The following PLXDC2 variants were observed in gnomAD, a reference collection of about 807,000 sequenced individuals.
The protein encoded by PLXDC2 is plexin domain-containing protein 2.
PLXDC2 carries 40 observed loss-of-function variants against 68.9 expected under a neutral mutation model. The ratio of observed to expected loss-of-function variants is 0.58; its 90% CI spans 0.45 to 0.76. The LOEUF is 0.76. PLXDC2 is among the 30% of genes least tolerant of loss of function. The pLI, the probability that PLXDC2 is intolerant of heterozygous loss-of-function variation, is 0.00. For missense variants in PLXDC2, 644 were observed against 661.9 expected (o/e 0.97, Z 0.30); for synonymous variants, 243 against 234.2 (o/e 1.04, Z -0.34).
In PLXDC2 at chr10:20,029,902, AT is replaced by A. The variant is rs1835470467; in HGVS notation, c.325-16965del. Among the ~76,000 whole-genome samples, 4 of 152,298 alleles carry A rather than the reference AT, an allele frequency of 2.6e-5. No individual in the cohort carries two copies. In the South Asian group the frequency reaches 8.3e-4, roughly 32 times the overall value. ...TTACCCTCCACATCAGCTACCTGAC[AT>A]TAAGTGAGTTGGCAACAAGGTTTTC... On this transcript the variant is annotated intron_variant, in intron 2 of 13. Coordinates refer to ENST00000377252, the MANE Select transcript of PLXDC2 (RefSeq NM_032812.9).
chr10:19,837,428 GTGTGTGTGTGTGTGTGTA>G (rs1836820936), intron 1 of PLXDC2, among the ~76,000 whole-genome samples: 1 of 151,654 alleles, frequency 6.6e-6, no homozygotes, highest in Admixed American at 6.6e-5. Flanking sequence ...GTGTGTGTGT[GTGTGTGTGTGTGTGTGTA>G]TGTGTGTGTT....
Position 20,030,406 on chromosome 10 carries a change from G to A in PLXDC2, c.325-16463G>A, listed in dbSNP as rs1328082353. ...CTTGTAGGCAATGCCTCAAGAGGCT[G>A]TACAGCTTCTTCTCTTACCCTTCTT... On this transcript the variant is annotated intron_variant, in intron 2 of 13. Coordinates refer to ENST00000377252, the MANE Select transcript of PLXDC2 (RefSeq NM_032812.9). Among the ~76,000 whole-genome samples the A allele has an allele frequency of 4.6e-5, 7 of 152,210 alleles. No individual in the cohort carries two copies. In the East Asian group the frequency reaches 1.3e-3, roughly 29 times the overall value.
rs921749626 is a variant in PLXDC2 at position 20,281,156 on chromosome 10, C to G, written c.*1337C>G. The G allele has an allele frequency of 2.0e-5, 3 of 152,126 alleles. No individual in the cohort carries two copies. Among genetic ancestry groups the G allele is most frequent in the African/African-American group, 7.2e-5 (3 of 41,438 alleles). 9.4% of individuals were successfully genotyped at this position (152,126 alleles called of 1,614,324 possible). A position where few individuals can be genotyped will look rare whatever the true frequency, so the allele number is the denominator to read the frequency against. ...ACTTTTTCGTTTATGTCAACCCCTT[C>G]CCTCTCTGGCTAAATAAAGTGGATG... On this transcript the variant is annotated 3_prime_UTR_variant, in exon 14 of 14. Transcript: ENST00000377252.
intron 9 of PLXDC2, among the ~76,000 whole-genome samples, chr10:20,210,104 C>T (rs1420157869): frequency 1.3e-5 from 2 of 152,100 alleles, no homozygotes; most frequent in African/African-American, 4.8e-5. Context: ...CACAGCAATA[C>T]AGTAGCCCCC....
intron 13 of PLXDC2, among the ~76,000 whole-genome samples, chr10:20,262,295 CAGA>C (rs1835817749): frequency 6.6e-6 from 1 of 152,230 alleles, no homozygotes; most frequent in African/African-American, 2.4e-5. Flanking sequence ...ATTTGCTCTA[CAGA>C]AGCTTTTCAG....
chr10:19,836,144 T>C (rs1019183115), intron 1 of PLXDC2, among the ~76,000 whole-genome samples: 6 of 151,552 alleles, frequency 4.0e-5, no homozygotes, highest in Non-Finnish European at 7.4e-5. Flanking sequence ...TCCACCGCAC[T>C]CCAGCCTGGG....
intron 2 of PLXDC2, among the ~76,000 whole-genome samples, chr10:20,009,235 C>T (rs189772482): frequency 8.5e-5 from 13 of 152,282 alleles, no homozygotes; most frequent in African/African-American, 2.9e-4. Context: ...TACTATTGTG[C>T]TCAGTGAATT....
chr10:20,253,370 GATAATAATA>G lies in PLXDC2; in HGVS notation c.1473+7889_1473+7897del, dbSNP rs3051539. On this transcript the variant is annotated intron_variant, in intron 13 of 13. Coordinates refer to ENST00000377252, the MANE Select transcript of PLXDC2 (RefSeq NM_032812.9). Reference sequence around the variant, plus strand: ...ACAGAGTGAGATTCTGTCTCAAAATGATAATAATAATAATAATAATAATAATAATAATTT... The same window carrying G: ...ACAGAGTGAGATTCTGTCTCAAAATGATAATAATAATAATAATAATAATTT... Among the ~76,000 whole-genome samples, 48 of 145,572 alleles carry G rather than the reference GATAATAATA, an allele frequency of 3.3e-4. 1 individual carries two copies. The highest frequency in any genetic ancestry group is 7.1e-4 in the African/African-American group (28 of 39,684).
At chr10:19,857,683 T>C (rs551615656) in intron 1 of PLXDC2, among the ~76,000 whole-genome samples, 20 of 152,266 alleles carry the variant, frequency 1.3e-4, no homozygotes, top group African/African-American at 4.1e-4. Context: ...AGAGTTCAAA[T>C]AGGAAACTAA....
Position 19,929,333 on chromosome 10 carries a change from C to T in PLXDC2, c.113-72442C>T, listed in dbSNP as rs12261091. 9.9e-3 allele frequency among the ~76,000 whole-genome samples: 1,500 copies of T among 152,162 alleles called. 26 individuals carry two copies. Among genetic ancestry groups the T allele is most frequent in the African/African-American group, 0.035 (1,454 of 41,532 alleles). ...AGAGACCCCTTGATTCATACCCAAC[C>T]CTCAGATTTCTATCTTGGAGAGTCA... On this transcript the variant is annotated intron_variant, in intron 1 of 13. Coordinates refer to ENST00000377252, the MANE Select transcript of PLXDC2 (RefSeq NM_032812.9).
At chr10:19,967,149 A>G (rs1286176985) in intron 1 of PLXDC2, among the ~76,000 whole-genome samples, 2 of 152,242 alleles carry the variant, frequency 1.3e-5, no homozygotes, top group African/African-American at 2.4e-5. Flanking sequence ...AATGTGTAAC[A>G]TACATGCTTT....
At chr10:20,061,090 A>T (rs1032046496) in intron 3 of PLXDC2, among the ~76,000 whole-genome samples, 1 of 152,204 alleles carries the variant, frequency 6.6e-6, no homozygotes, top group African/African-American at 2.4e-5. Flanking sequence ...CATAAATTTT[A>T]ACTCCTTATA....
intron 12 of PLXDC2, among the ~76,000 whole-genome samples, chr10:20,241,301 G>A (rs562044493): frequency 6.6e-6 from 1 of 152,308 alleles, no homozygotes; most frequent in African/African-American, 2.4e-5. Context: ...CTTATGCCCT[G>A]CAGGACAAAA....
In PLXDC2 at chr10:20,140,443, G is replaced by GTCTA. The variant is rs1564330265; in HGVS notation, c.542-2851_542-2848dup. 2.7e-5 allele frequency among the ~76,000 whole-genome samples: 4 copies of GTCTA among 150,312 alleles called. No homozygotes were observed. In the South Asian group the frequency reaches 6.3e-4, roughly 24 times the overall value. On this transcript the variant is annotated intron_variant, in intron 4 of 13. Transcript: ENST00000377252. ...TATCTATCTATCTATCTATCTATCC[G>GTCTA]TCTAATCTTTAGCTGGGAATGCCCA...
chr10:20,113,319 A>G (rs929607085), intron 4 of PLXDC2, among the ~76,000 whole-genome samples: 1 of 152,202 alleles, frequency 6.6e-6, no homozygotes, highest in African/African-American at 2.4e-5. Flanking sequence ...CTTTTACTCT[A>G]AACAAGCCTT....
chr10:19,954,043 T>G (rs1834031274), intron 1 of PLXDC2, among the ~76,000 whole-genome samples: 1 of 152,164 alleles, frequency 6.6e-6, no homozygotes, highest in Non-Finnish European at 1.5e-5. Flanking sequence ...AGCAGTGATA[T>G]AAATCCAGCT....
At chr10:19,873,459 G>A (rs1837579920) in intron 1 of PLXDC2, among the ~76,000 whole-genome samples, 1 of 127,752 alleles carries the variant, frequency 7.8e-6, no homozygotes, top group Non-Finnish European at 1.6e-5. Flanking sequence ...TACCCAGGCT[G>A]TAGTGCAGTG....
At chr10:19,964,006 G>A (rs1443343016) in intron 1 of PLXDC2, among the ~76,000 whole-genome samples, 2 of 152,074 alleles carry the variant, frequency 1.3e-5, no homozygotes, top group African/African-American at 4.8e-5. Context: ...TCATTATTGG[G>A]AAAAATATAA....
intron 1 of PLXDC2, among the ~76,000 whole-genome samples, chr10:19,979,286 C>T (rs553281863): frequency 6.6e-6 from 1 of 152,128 alleles, no homozygotes; most frequent in East Asian, 1.9e-4. Context: ...CAGTACTTGG[C>T]ACAATATTCA....
Sources: allele counts gnomAD v4.1 joint callset (sites outside exome capture counted in the v4.1 genomes callset), GRCh38; gene constraint gnomAD v4.1.1; transcripts MANE v1.5; gene names NCBI Gene and HGNC (gene_info 2026-07-23, HGNC 2026-07-21).